Variants in SH3BGRL observed in about 807,000 individuals in gnomAD.
SH3BGRL encodes the protein adapter SH3BGRL.
In SH3BGRL, 7 loss-of-function variants were observed where a neutral mutation model predicts 9.8. That is an observed-to-expected ratio of 0.72 (90% confidence interval 0.41 to 1.35). The LOEUF is 1.35. Ranked by LOEUF, SH3BGRL falls within the 40% of genes most tolerant of loss-of-function variation. SH3BGRL has a pLI of 0.01. For missense variants in SH3BGRL, 73 were observed against 84.4 expected (o/e 0.86, Z 0.53); for synonymous variants, 36 against 29.1 (o/e 1.24, Z -0.76).
At chrX:81,284,403 CAA>C (rs773439659) in intron 3 of SH3BGRL, among the ~76,000 whole-genome samples, 10 of 99,050 alleles carry the variant, frequency 1.0e-4, no homozygotes, top group South Asian at 4.3e-4. Context: ...CTCCCCCCAC[CAA>C]AAAAAAAAAA....
At chrX:81,234,743 G>A (rs193154555) in intron 1 of SH3BGRL, among the ~76,000 whole-genome samples, 7 of 111,904 alleles carry the variant, frequency 6.3e-5, no homozygotes, top group East Asian at 2.8e-4. Flanking sequence ...GTAGGTACCC[G>A]TTAACAGAAG....
chrX:81,267,783 C>T (rs1022872446), intron 1 of SH3BGRL, among the ~76,000 whole-genome samples: 3 of 110,412 alleles, frequency 2.7e-5, no homozygotes, highest in African/African-American at 6.6e-5. Flanking sequence ...GAAGGAACTA[C>T]GCATGCAATA....
chrX:81,256,843 C>G (rs982098774), intron 1 of SH3BGRL, among the ~76,000 whole-genome samples: 8 of 111,722 alleles, frequency 7.2e-5, no homozygotes, highest in African/African-American at 2.0e-4. Flanking sequence ...ATCCCAAAGT[C>G]CAGTTCTTCA....
intron 1 of SH3BGRL, among the ~76,000 whole-genome samples, chrX:81,274,605 G>A (rs1166811930): frequency 1.8e-5 from 2 of 109,241 alleles, no homozygotes; most frequent in East Asian, 2.9e-4. Flanking sequence ...AAAAAAAAAA[G>A]CAATAATTAT....
chrX:81,273,649 G>GT (rs11354793), intron 1 of SH3BGRL, among the ~76,000 whole-genome samples: 44 of 70,884 alleles, frequency 6.2e-4, no homozygotes, highest in South Asian at 3.3e-3. Context: ...TGGTTAAATG[G>GT]TTTTTTTTTT....
At chrX:81,273,172 T>C (rs1392374351) in intron 1 of SH3BGRL, among the ~76,000 whole-genome samples, 2 of 112,084 alleles carry the variant, frequency 1.8e-5, no homozygotes, top group African/African-American at 6.5e-5. Context: ...ACCAGAACTA[T>C]AGATTGTATG....
chrX:81,294,315 C>T (rs745636561), intron 3 of SH3BGRL, among the ~76,000 whole-genome samples: 1 of 110,138 alleles, frequency 9.1e-6, no homozygotes, highest in Non-Finnish European at 1.9e-5. Context: ...GTGGTTCAGA[C>T]CCAGTGTCTG....
chrX:81,281,294 T>C (rs1447471713), intron 3 of SH3BGRL, among the ~76,000 whole-genome samples: 2 of 111,290 alleles, frequency 1.8e-5, no homozygotes, highest in Non-Finnish European at 3.8e-5. Flanking sequence ...GCTAGATATA[T>C]ATACATCCAA....
intron 1 of SH3BGRL, among the ~76,000 whole-genome samples, chrX:81,231,099 G>A (rs1256937462): frequency 8.9e-6 from 1 of 112,000 alleles, no homozygotes; most frequent in East Asian, 2.8e-4. Context: ...AGCCAGGTTG[G>A]ATTGACCTTG....
At chrX:81,248,326 T>C (rs139347571) in intron 1 of SH3BGRL, among the ~76,000 whole-genome samples, 1,547 of 112,115 alleles carry the variant, frequency 0.014, 34 homozygotes, top group African/African-American at 0.048. Context: ...GCTAGGTATA[T>C]ACTCGATTTT....
chrX:81,274,313 A>G (rs1051594741), intron 1 of SH3BGRL, among the ~76,000 whole-genome samples: 22 of 111,368 alleles, frequency 2.0e-4, no homozygotes, highest in Middle Eastern at 4.6e-3. Flanking sequence ...CTATAGGTGT[A>G]TAAGAAAGAC....
At chrX:81,265,925 A>T (rs981480260) in intron 1 of SH3BGRL, among the ~76,000 whole-genome samples, 4 of 111,778 alleles carry the variant, frequency 3.6e-5, no homozygotes, top group Non-Finnish European at 7.5e-5. Context: ...CGTGGTTTTG[A>T]TTTGCATTTC....
chrX:81,223,187 C>A (rs4123372), intron 1 of SH3BGRL, among the ~76,000 whole-genome samples: 1 of 109,985 alleles, frequency 9.1e-6, no homozygotes, highest in Admixed American at 9.7e-5. Context: ...AATTAGATCC[C>A]ATTTGTCAAT....
intron 1 of SH3BGRL, among the ~76,000 whole-genome samples, chrX:81,240,312 T>C (rs974951001): frequency 8.9e-6 from 1 of 112,406 alleles, no homozygotes; most frequent in Admixed American, 9.4e-5. Context: ...ATTAGTTTTA[T>C]TTTGCATGTT....
intron 1 of SH3BGRL, among the ~76,000 whole-genome samples, chrX:81,271,647 A>G (rs981537852): frequency 1.8e-5 from 2 of 111,248 alleles, no homozygotes; most frequent in African/African-American, 3.3e-5. Context: ...GATGGGGAGA[A>G]TGGAAACAAG....
chrX:81,257,809 G>T (rs2075729946), intron 1 of SH3BGRL, among the ~76,000 whole-genome samples: 1 of 110,759 alleles, frequency 9.0e-6, no homozygotes, highest in South Asian at 3.9e-4. Context: ...ACATGGTGGG[G>T]CCACATTAGA....
intron 1 of SH3BGRL, among the ~76,000 whole-genome samples, chrX:81,216,090 TTA>T (rs1291800570): frequency 1.8e-5 from 2 of 111,629 alleles, no homozygotes; most frequent in Non-Finnish European, 3.8e-5. Context: ...GTGTAAACAA[TTA>T]TGTCTTATAA....
intron 1 of SH3BGRL, among the ~76,000 whole-genome samples, chrX:81,214,487 C>G: frequency 9.0e-6 from 1 of 111,478 alleles, no homozygotes; most frequent in Non-Finnish European, 1.9e-5. Context: ...TCTGTTTTCC[C>G]AGCCTAGATT....
intron 1 of SH3BGRL, 43 bp downstream of exon 1, chrX:81,202,288 C>A (rs780592165): frequency 2.4e-5 from 27 of 1,147,276 alleles, no homozygotes; most frequent in South Asian, 7.7e-5. Flanking sequence ...TTCCTACACA[C>A]CAGTCCTCTG....
Sources: allele counts gnomAD v4.1 joint callset (sites outside exome capture counted in the v4.1 genomes callset), GRCh38; gene constraint gnomAD v4.1.1; transcripts MANE v1.5; gene names NCBI Gene and HGNC (gene_info 2026-07-23, HGNC 2026-07-21).